Variants in EXOSC9 observed in about 807,000 individuals in gnomAD.
The protein encoded by EXOSC9 is exosome component 9, also known as exosome complex component RRP45.
EXOSC9 carries 38 observed loss-of-function variants against 56.5 expected under a neutral mutation model. The observed-to-expected ratio is 0.67, with a 90% CI of 0.52 to 0.88. EXOSC9 has a LOEUF of 0.88. Among genes scored for constraint, EXOSC9 ranks in the 40% least tolerant of loss-of-function variants. The pLI, the probability that EXOSC9 is intolerant of heterozygous loss-of-function variation, is 0.00. For synonymous variants in EXOSC9, 170 were observed against 170.8 expected (o/e 0.99, Z 0.04); for missense variants, 559 against 530.5 (o/e 1.05, Z -0.53).
rs755032675 is a variant in EXOSC9 at position 121,807,562 on chromosome 4, C to T, written c.545C>T (p.Pro182Leu). The change falls in exon 6 of 12, where the codon CCT becomes CTT. Residue 182 changes from proline to leucine, a missense_variant. By Grantham distance (98) the Pro-to-Leu change is moderately conservative. Transcript: ENST00000243498. ...VTLYTPEERDPVPLSIHHMPI... is the reference protein window; with the variant it reads ...VTLYTPEERDLVPLSIHHMPI... ...CAGTATACACCTGAAGAGCGTGATC[C>T]TGTACCATTAAGTATCCACCACATG... is the stretch of plus-strand genomic sequence containing the variant. 12 of 1,612,298 alleles carry T rather than the reference C, an allele frequency of 7.4e-6. No homozygotes were observed. The South Asian group carries it at 1.2e-4, about 16-fold the overall frequency.
chr4:121,801,926 C>G lies in EXOSC9; in HGVS notation c.161+5C>G, dbSNP rs1394514922. ...TGTGGAACTTGGAAAAACAAGGTAACAGGATTTAAATGAGATACACATTCG... is the reference window on the plus strand; with the variant it reads ...TGTGGAACTTGGAAAAACAAGGTAAGAGGATTTAAATGAGATACACATTCG... On this transcript the variant is annotated splice_donor_5th_base_variant and intron_variant, in intron 2 of 11. Coordinates refer to ENST00000243498, the MANE Select transcript of EXOSC9 (RefSeq NM_005033.3). 1 of 1,600,440 alleles carries G rather than the reference C, an allele frequency of 6.2e-7. No individual in the cohort carries two copies. Among genetic ancestry groups the G allele is most frequent in the South Asian group, 1.1e-5 (1 of 90,800 alleles).
At chr4:121,804,264 T>G (rs1187413264) in intron 4 of EXOSC9, among the ~76,000 whole-genome samples, 1 of 151,568 alleles carries the variant, frequency 6.6e-6, no homozygotes, top group African/African-American at 2.4e-5. Context: ...TTCTGCCACC[T>G]TGACCTCCCA....
At chr4:121,803,461 G>A (rs1726928906) in intron 4 of EXOSC9, among the ~76,000 whole-genome samples, 1 of 152,166 alleles carries the variant, frequency 6.6e-6, no homozygotes, top group Non-Finnish European at 1.5e-5. Context: ...GCCACACCAT[G>A]TCAGTGGCAG....
intron 8 of EXOSC9, among the ~76,000 whole-genome samples, chr4:121,812,567 T>A (rs2149038475): frequency 6.6e-6 from 1 of 152,342 alleles, no homozygotes; most frequent in East Asian, 1.9e-4. Flanking sequence ...CTCAGCTCAC[T>A]GCAGCCTCCG....
At position 121,813,334 on chromosome 4, in the gene EXOSC9, GAA is replaced by G; in HGVS notation, c.932_933del (p.Lys311SerfsTer7). 1 of 1,613,650 alleles carries G rather than the reference GAA, an allele frequency of 6.2e-7. No individual in the cohort carries two copies. Among genetic ancestry groups the G allele is most frequent in the Non-Finnish European group, 8.5e-7 (1 of 1,179,776 alleles). ...KAPIDTSDVE[E>X]KAEEIIAEAE... ...CCCTATTGATACCTCGGATGTAGAAGAAAAAGCAGAAGAAATCATTGCTGAAG... is the reference window on the plus strand; with the variant it reads ...CCCTATTGATACCTCGGATGTAGAAGAAAGCAGAAGAAATCATTGCTGAAG... On this transcript the variant is annotated frameshift_variant, in exon 9 of 12. Coordinates refer to ENST00000243498, the MANE Select transcript of EXOSC9 (RefSeq NM_005033.3). LOFTEE classifies it high-confidence loss of function.
chr4:121,812,988 G>T (rs746899133), intron 8 of EXOSC9, among the ~76,000 whole-genome samples: 3 of 152,102 alleles, frequency 2.0e-5, no homozygotes, highest in Non-Finnish European at 2.9e-5. Context: ...TGATTTGAGG[G>T]TTAGAGAATA....
Position 121,813,835 on chromosome 4 carries a change from T to G in EXOSC9, c.975-31T>G, listed in dbSNP as rs201500987. On this transcript the variant is annotated intron_variant, in intron 9 of 11. Coordinates refer to ENST00000243498, the MANE Select transcript of EXOSC9 (RefSeq NM_005033.3). ...TCAACAGTTCATCAAATAGCAATAT[T>G]TTTGTTACTCAGTTTTCTTAACTTG... 38 of 1,493,540 alleles carry G rather than the reference T, an allele frequency of 2.5e-5. No homozygotes were observed. In the East Asian group the frequency reaches 6.1e-4, roughly 24 times the overall value. 92.5% of individuals were successfully genotyped at this position (1,493,540 alleles called of 1,614,324 possible).
Position 121,811,640 on chromosome 4 carries a change from T to G in EXOSC9, c.796T>G (p.Leu266Val). 3.1e-6 allele frequency: 5 copies of G among 1,588,520 alleles called. No homozygotes were observed. Among genetic ancestry groups the G allele is most frequent in the Non-Finnish European group, 4.3e-6 (5 of 1,167,108 alleles). ...VKVAEITELI[L>V]KALENDQKVR... ...AGTAGCAGAAATTACAGAGCTAATA[T>G]TGAAAGCTTTGGAGAATGACCAAAA... The change falls in exon 8 of 12, where the codon TTG (leucine) becomes GTG (valine). Residue 266 changes from leucine (L) to valine (V), a missense_variant. By Grantham distance (32) the Leu-to-Val change is conservative. Coordinates refer to ENST00000243498, the MANE Select transcript of EXOSC9 (RefSeq NM_005033.3).
intron 4 of EXOSC9, 160 bp from the exon 5 acceptor site, chr4:121,804,462 T>C (rs1006021974): frequency 6.2e-6 from 3 of 484,290 alleles, no homozygotes; most frequent in Non-Finnish European, 7.2e-6. Flanking sequence ...GATGTTTGGC[T>C]TAAATTTTCT....
chr4:121,805,520 G>A (rs1726992514), intron 5 of EXOSC9, among the ~76,000 whole-genome samples: 1 of 152,138 alleles, frequency 6.6e-6, no homozygotes, highest in Non-Finnish European at 1.5e-5. Context: ...TTGATTTTGG[G>A]CAGTAGACTG....
Position 121,811,657 on chromosome 4 carries a change from T to A in EXOSC9, c.813T>A (p.Asn271Lys). 6.4e-7 allele frequency: 1 copy of A among 1,564,096 alleles called. No homozygotes were observed. The highest frequency in any genetic ancestry group is 8.7e-7 in the Non-Finnish European group (1 of 1,153,788). Residue 271 changes from asparagine to lysine, a missense_variant, in exon 8 of 12, where the codon AAT becomes AAA. Physicochemically the swap from Asn to Lys is moderately conservative, Grantham distance 94 (BLOSUM62 0). Coordinates refer to ENST00000243498, the MANE Select transcript of EXOSC9 (RefSeq NM_005033.3). The part of the protein sequence containing the change: ...ITELILKALE[N>K]DQKVRKEGGK... The stretch of plus-strand genomic sequence containing the variant: ...AGCTAATATTGAAAGCTTTGGAGAA[T>A]GACCAAAAAGTAAGGTAAGTAACTT...
Position 121,802,758 on chromosome 4 carries a change from C to G in EXOSC9, c.246C>G (p.Leu82=). 6.2e-7 allele frequency: 1 copy of G among 1,614,118 alleles called. No individual in the cohort carries two copies. The highest frequency in any genetic ancestry group is 8.5e-7 in the Non-Finnish European group (1 of 1,180,000). Residue 82 remains leucine (L), a synonymous_variant, in exon 3 of 12, where the codon CTC becomes CTG. Coordinates refer to ENST00000243498, the MANE Select transcript of EXOSC9 (RefSeq NM_005033.3). ...GTATTCTTTTTTTTAACCTTGAACTCTCTCAGATGGCCGCTCCAGCTTTCG... is the reference window on the plus strand; with the variant it reads ...GTATTCTTTTTTTTAACCTTGAACTGTCTCAGATGGCCGCTCCAGCTTTCG... ...TEGILFFNLE[L]SQMAAPAFEP... is the part of the protein sequence containing the mutation.
chr4:121,816,924 G>C lies in EXOSC9; in HGVS notation c.*68G>C, dbSNP rs1724539749. On this transcript the variant is annotated 3_prime_UTR_variant, in exon 12 of 12. Coordinates refer to ENST00000243498, the MANE Select transcript of EXOSC9 (RefSeq NM_005033.3). The stretch of plus-strand genomic sequence containing the variant: ...TATTTATTCCATTCTGAGAACCCTG[G>C]GTATTTTTTATTCACAAATCCATTA... 3.0e-5 allele frequency: 41 copies of C among 1,348,344 alleles called. No individual in the cohort carries two copies. In the South Asian group the frequency reaches 6.2e-4, roughly 20 times the overall value. The allele number at this position is 1,348,344 out of a possible 1,614,324, so 83.5% of individuals were successfully genotyped here. A position where few individuals can be genotyped will look rare whatever the true frequency, so the allele number is the denominator to read the frequency against.
At chr4:121,803,706 A>C (rs1288705413) in intron 4 of EXOSC9, among the ~76,000 whole-genome samples, 1 of 151,940 alleles carries the variant, frequency 6.6e-6, no homozygotes, top group Non-Finnish European at 1.5e-5. Context: ...CGCCCGGCTA[A>C]TTTTTGTATT....
rs940276011 is a variant in EXOSC9 at position 121,808,990 on chromosome 4, A to AT, written c.606-967dup. ...ATGCGCAGCATTTGTTACTTTTTAA[A>AT]TTTTTTTTTTATTTTTTTGTGACAG... is the stretch of plus-strand genomic sequence containing the variant. On this transcript the variant is annotated intron_variant, in intron 6 of 11. Coordinates refer to ENST00000243498, the MANE Select transcript of EXOSC9 (RefSeq NM_005033.3). Among the ~76,000 whole-genome samples, 29 of 144,030 alleles carry AT rather than the reference A, an allele frequency of 2.0e-4. No individual in the cohort carries two copies. In the South Asian group the frequency reaches 5.4e-3, roughly 27 times the overall value. 94.5% of individuals were successfully genotyped at this position (144,030 alleles called of 152,430 possible).
At chr4:121,813,176 T>C in intron 8 of EXOSC9, 58 bp from the exon 9 acceptor site, 2 of 1,486,420 alleles carry the variant, frequency 1.3e-6, no homozygotes. Context: ...TCCTGTCTTC[T>C]ATCCAATCTG....
chr4:121,805,195 A>G (rs997721537), intron 5 of EXOSC9, among the ~76,000 whole-genome samples: 15 of 152,248 alleles, frequency 9.9e-5, no homozygotes, highest in African/African-American at 3.6e-4. Context: ...GAGATGACGA[A>G]AGTCCATCAG....
chr4:121,813,265 T>C lies in EXOSC9; in HGVS notation c.859T>C (p.Ser287Pro). 6.2e-7 allele frequency: 1 copy of C among 1,613,608 alleles called. No homozygotes were observed. Among genetic ancestry groups the C allele is most frequent in the Non-Finnish European group, 8.5e-7 (1 of 1,179,732 alleles). Residue 287 changes from serine (S) to proline (P), a missense_variant, in exon 9 of 12, where the codon TCT becomes CCT. Physicochemically the swap from Ser to Pro is moderately conservative, Grantham distance 74. Coordinates refer to ENST00000243498, the MANE Select transcript of EXOSC9 (RefSeq NM_005033.3). ...AGGTGGAAAGTTTGGTTTTGCAGAG[T>C]CTATAGCAAATCAAAGGATCACAGC... ...KEGGKFGFAE[S>P]IANQRITAFK...
At chr4:121,814,169 AG>A in intron 10 of EXOSC9, 122 bp downstream of exon 10, 3 of 602,618 alleles carry the variant, frequency 5.0e-6, no homozygotes, top group Non-Finnish European at 8.5e-6. Flanking sequence ...AGTAATATAT[AG>A]CATATTAGCT....
Sources: gnomAD v4.1 joint callset for allele counts (sites outside exome capture counted in the v4.1 genomes callset) on GRCh38, gnomAD v4.1.1 for gene constraint, MANE v1.5 for transcripts, NCBI Gene and HGNC (gene_info 2026-07-23, HGNC 2026-07-21) for gene names.